The following SNRPB2 variants were observed in gnomAD, a reference collection of about 807,000 sequenced individuals.
SNRPB2 encodes U2 small nuclear ribonucleoprotein B''.
In SNRPB2, 16 loss-of-function variants were observed where a neutral mutation model predicts 26.3. The ratio of observed to expected loss-of-function variants is 0.61; its 90% CI spans 0.41 to 0.92. SNRPB2 has a LOEUF of 0.92. Ranked by LOEUF, SNRPB2 falls within the 40% of genes least tolerant of loss-of-function variation. SNRPB2 has a pLI of 0.00. For synonymous variants in SNRPB2, 75 were observed against 89.0 expected (o/e 0.84, Z 0.88); for missense variants, 179 against 268.1 (o/e 0.67, Z 2.32).
At chr20:16,736,193 T>C (rs1238789870) in intron 3 of SNRPB2, among the ~76,000 whole-genome samples, 1 of 151,920 alleles carries the variant, frequency 6.6e-6, no homozygotes, top group Non-Finnish European at 1.5e-5. Context: ...CTCAAAGACA[T>C]TATGCCAAGT....
At chr20:16,739,876 G>A (rs986444495) in intron 5 of SNRPB2, among the ~76,000 whole-genome samples, 1 of 149,832 alleles carries the variant, frequency 6.7e-6, no homozygotes, top group African/African-American at 2.5e-5. Flanking sequence ...CCTAAGCAGT[G>A]GTTCTCGGTG....
At chr20:16,731,596 AAAGTT>A in intron 1 of SNRPB2, 67 bp from the exon 2 acceptor site, 3 of 1,453,012 alleles carry the variant, frequency 2.1e-6, no homozygotes, top group Non-Finnish European at 2.8e-6. Context: ...AGAGAAATGA[AAAGTT>A]AATAATTCTT....
intron 2 of SNRPB2, 90 bp from the exon 3 acceptor site, chr20:16,732,074 T>G (rs2072395517): frequency 2.7e-6 from 2 of 743,030 alleles, no homozygotes; most frequent in South Asian, 1.8e-5. Flanking sequence ...AAGTGAATGG[T>G]GGGGGGGGCA....
At chr20:16,734,589 GC>G (rs1229952800) in intron 3 of SNRPB2, among the ~76,000 whole-genome samples, 1 of 152,194 alleles carries the variant, frequency 6.6e-6, no homozygotes, top group Non-Finnish European at 1.5e-5. Context: ...GCCTAGACTA[GC>G]GTTTCTCAAC....
At chr20:16,734,882 T>A (rs2072415389) in intron 3 of SNRPB2, among the ~76,000 whole-genome samples, 1 of 152,234 alleles carries the variant, frequency 6.6e-6, no homozygotes, top group Non-Finnish European at 1.5e-5. Flanking sequence ...ACCGAAGATC[T>A]ATTCAGGTCA....
At chr20:16,735,699 C>T (rs6075098) in intron 3 of SNRPB2, among the ~76,000 whole-genome samples, 15,528 of 152,250 alleles carry the variant, frequency 0.1, 1,044 homozygotes, top group Middle Eastern at 0.16. Flanking sequence ...GAACCCTTCC[C>T]TGTTGTAACT....
chr20:16,732,419 G>A, intron 3 of SNRPB2, 83 bp downstream of exon 3: 1 of 737,226 alleles, frequency 1.4e-6, no homozygotes, highest in Non-Finnish European at 2.2e-6. Flanking sequence ...GCTTGAAACT[G>A]TGGCTATTGC....
chr20:16,736,191 CATTATGCCAAGTAAAGGA>C (rs545976889), intron 3 of SNRPB2, among the ~76,000 whole-genome samples: 120 of 152,120 alleles, frequency 7.9e-4, no homozygotes, highest in African/African-American at 2.7e-3. Flanking sequence ...ATCTCAAAGA[CATTATGCCAAGTAAAGGA>C]AGGCAGCCTC....
At chr20:16,736,189 G>T (rs2072425226) in intron 3 of SNRPB2, among the ~76,000 whole-genome samples, 3 of 152,114 alleles carry the variant, frequency 2.0e-5, no homozygotes. Context: ...GAATCTCAAA[G>T]ACATTATGCC....
At chr20:16,735,490 A>G (rs966163218) in intron 3 of SNRPB2, among the ~76,000 whole-genome samples, 3 of 152,176 alleles carry the variant, frequency 2.0e-5, no homozygotes, top group Non-Finnish European at 4.4e-5. Flanking sequence ...GGCGCTGAGT[A>G]TAGTTATGTG....
intron 3 of SNRPB2, among the ~76,000 whole-genome samples, chr20:16,736,499 A>C (rs2072426933): frequency 6.6e-6 from 1 of 152,232 alleles, no homozygotes; most frequent in Admixed American, 6.5e-5. Flanking sequence ...AAAATGAAAA[A>C]AAATTCAAAT....
At position 16,737,282 on chromosome 20, in the gene SNRPB2, G is replaced by T; in HGVS notation, c.259G>T (p.Asp87Tyr). The change falls in exon 4 of 7, where the codon GAT (aspartate) becomes TAT (tyrosine). Residue 87 changes from aspartate to tyrosine, a missense_variant. This residue lies in a region of SNRPB2 where 145 missense variants were observed against 180.7 expected (regional missense o/e 0.80). Coordinates refer to ENST00000246071, the MANE Select transcript of SNRPB2 (RefSeq NM_003092.5). The stretch of plus-strand genomic sequence containing the variant: ...ACAGCGAATACAGTATGCAAAAACA[G>T]ATTCGGATATAATATCAAAAATGCG... The part of the protein sequence containing the change: ...KPMRIQYAKT[D>Y]SDIISKMRGT... 1 of 1,594,292 alleles carries T rather than the reference G, an allele frequency of 6.3e-7. No homozygotes were observed. The highest frequency in any genetic ancestry group is 8.5e-7 in the Non-Finnish European group (1 of 1,174,470).
chr20:16,730,354 C>G (rs1279374005), intron 1 of SNRPB2, among the ~76,000 whole-genome samples, 190 bp downstream of exon 1: 1 of 152,196 alleles, frequency 6.6e-6, no homozygotes, highest in African/African-American at 2.4e-5. Context: ...TGTCAGTCTG[C>G]TCGTGCGAGG....
At position 16,732,325 on chromosome 20, in the gene SNRPB2, G is replaced by C. The variant is rs1490927374; in HGVS notation, c.226G>C (p.Gly76Arg). The change falls in exon 3 of 7, where the codon GGT becomes CGT. Residue 76 changes from glycine (G) to arginine (R), a missense_variant. Around this residue, in one of 2 missense-constraint regions of SNRPB2, gnomAD observed 145 missense variants for 180.7 expected, o/e 0.80. Coordinates refer to ENST00000246071, the MANE Select transcript of SNRPB2 (RefSeq NM_003092.5). ...LRQLQGFPFY[G>R]KPMRIQYAKT... The stretch of plus-strand genomic sequence containing the variant: ...ACAGCTACAAGGATTTCCATTTTAT[G>C]GTAAACCAATGGTAAGCCAATTCCA... 6.4e-7 allele frequency: 1 copy of C among 1,560,246 alleles called. No individual in the cohort carries two copies. The highest frequency in any genetic ancestry group is 8.7e-7 in the Non-Finnish European group (1 of 1,152,346).
chr20:16,734,351 C>T (rs993481524), intron 3 of SNRPB2, among the ~76,000 whole-genome samples: 1 of 152,036 alleles, frequency 6.6e-6, no homozygotes, highest in African/African-American at 2.4e-5. Context: ...TGTAGTTGCT[C>T]TTCTGTTTTA....
At position 16,742,238 on chromosome 20, in the gene SNRPB2, A is replaced by G. The variant is rs2122511102; in HGVS notation, c.*1233A>G. 2 of 152,218 alleles carry G rather than the reference A, an allele frequency of 1.3e-5. No individual in the cohort carries two copies. Among genetic ancestry groups the G allele is most frequent in the East Asian group, 3.9e-4 (2 of 5,194 alleles). 9.4% of individuals were successfully genotyped at this position (152,218 alleles called of 1,614,324 possible). On this transcript the variant is annotated 3_prime_UTR_variant, in exon 7 of 7. Coordinates refer to ENST00000246071, the MANE Select transcript of SNRPB2 (RefSeq NM_003092.5). Reference sequence around the variant, plus strand: ...ACAGTGAATTACTAGAAAATGGGCCATGTTCTTGTATATTACAGTGATGTC... The same window carrying G: ...ACAGTGAATTACTAGAAAATGGGCCGTGTTCTTGTATATTACAGTGATGTC...
intron 3 of SNRPB2, among the ~76,000 whole-genome samples, chr20:16,735,720 G>C (rs1467343227): frequency 6.6e-6 from 1 of 152,078 alleles, no homozygotes; most frequent in African/African-American, 2.4e-5. Flanking sequence ...GTTGCCTCTT[G>C]GTGCCAGCAT....
In SNRPB2 at chr20:16,741,074, G is replaced by A; in HGVS notation, c.*69G>A. ...TGTTTGTTTTGATAACATTTGGCTG[G>A]GTCATTTTAATAGTTAGAGATGAGG... On this transcript the variant is annotated 3_prime_UTR_variant, in exon 7 of 7. Transcript: ENST00000246071. The A allele has an allele frequency of 4.1e-6, 5 of 1,222,942 alleles. No homozygotes were observed. Among genetic ancestry groups the A allele is most frequent in the Non-Finnish European group, 5.6e-6 (5 of 885,316 alleles). 75.8% of individuals were successfully genotyped at this position (1,222,942 alleles called of 1,614,324 possible).
intron 4 of SNRPB2, among the ~76,000 whole-genome samples, chr20:16,738,443 CAAAAAAA>C (rs11292422): frequency 1.0e-4 from 8 of 79,030 alleles, no homozygotes; most frequent in African/African-American, 3.4e-4. Flanking sequence ...GACTCCATCT[CAAAAAAA>C]AAAAAAAAAA....
Sources: allele counts gnomAD v4.1 joint callset (sites outside exome capture counted in the v4.1 genomes callset), GRCh38; gene constraint gnomAD v4.1.1; regional missense constraint gnomAD v4.1.1; transcripts MANE v1.5; gene names NCBI Gene and HGNC (gene_info 2026-07-23, HGNC 2026-07-21).